Variants in VPS13B observed in about 807,000 individuals in gnomAD.
The protein encoded by VPS13B is intermembrane lipid transfer protein VPS13B.
VPS13B carries 285 observed loss-of-function variants against 426.4 expected under a neutral mutation model. The observed-to-expected ratio is 0.67, with a 90% CI of 0.61 to 0.74. The LOEUF is 0.74. Ranked by LOEUF, VPS13B falls within the 30% of genes least tolerant of loss-of-function variation. The pLI, the probability that VPS13B is intolerant of heterozygous loss-of-function variation, is 0.00. For synonymous variants in VPS13B, 1,676 were observed against 1,676.4 expected, an observed-to-expected ratio of 1.00 and a Z score of 0.01; for missense variants, 4,537 against 4,782.6, an observed-to-expected ratio of 0.95 and a Z score of 1.51.
At chr8:99,029,241 C>T (rs1842367441) in intron 2 of VPS13B, among the ~76,000 whole-genome samples, 1 of 150,322 alleles carries the variant, frequency 6.7e-6, no homozygotes, top group Non-Finnish European at 1.5e-5. Flanking sequence ...AGAGGCGCTC[C>T]TCGCTTCCTA....
intron 30 of VPS13B, among the ~76,000 whole-genome samples, chr8:99,523,801 A>G (rs538235007): frequency 2.0e-5 from 3 of 152,188 alleles, no homozygotes; most frequent in Non-Finnish European, 2.9e-5. Flanking sequence ...CAAAAGCTAC[A>G]GTAAATACTT....
intron 5 of VPS13B, among the ~76,000 whole-genome samples, 190 bp downstream of exon 5, chr8:99,103,310 C>T (rs1375449852): frequency 6.6e-6 from 1 of 151,992 alleles, no homozygotes; most frequent in Non-Finnish European, 1.5e-5. Context: ...ACTCCAAATT[C>T]AGAAATCTAT....
intron 33 of VPS13B, among the ~76,000 whole-genome samples, chr8:99,632,944 T>C (rs1466865022): frequency 2.0e-5 from 3 of 151,980 alleles, no homozygotes; most frequent in Non-Finnish European, 4.4e-5. Context: ...GAATCTAGCA[T>C]TAATTACACC....
chr8:99,117,937 C>CT (rs1347774366), intron 7 of VPS13B, among the ~76,000 whole-genome samples: 1 of 151,994 alleles, frequency 6.6e-6, no homozygotes, highest in Non-Finnish European at 1.5e-5. Context: ...GCTATTTAAA[C>CT]TTTATCTCAT....
At chr8:99,535,950 A>T (rs1175006460) in intron 30 of VPS13B, among the ~76,000 whole-genome samples, 6 of 143,672 alleles carry the variant, frequency 4.2e-5, no homozygotes, top group East Asian at 2.0e-4. Context: ...TTTAATCCAA[A>T]TTTTTTTTTT....
chr8:99,304,268 CAAAT>C (rs956510503), intron 19 of VPS13B, among the ~76,000 whole-genome samples: 6 of 151,962 alleles, frequency 3.9e-5, no homozygotes, highest in African/African-American at 1.4e-4. Context: ...ACTCAAAAAA[CAAAT>C]AAGATAGTCT....
chr8:99,235,324 A>G (rs1816579297), intron 17 of VPS13B, among the ~76,000 whole-genome samples: 1 of 152,190 alleles, frequency 6.6e-6, no homozygotes, highest in East Asian at 1.9e-4. Context: ...ATAGAAATTT[A>G]TATTGAAAAT....
chr8:99,206,884 A>AAGAT (rs989410699), intron 17 of VPS13B, among the ~76,000 whole-genome samples: 16 of 72,734 alleles, frequency 2.2e-4, no homozygotes, highest in African/African-American at 5.6e-4. Flanking sequence ...AATGTGTTCT[A>AAGAT]AGATATATAT....
At chr8:99,518,874 T>A (rs1415523646) in intron 29 of VPS13B, among the ~76,000 whole-genome samples, 1 of 152,226 alleles carries the variant, frequency 6.6e-6, no homozygotes, top group African/African-American at 2.4e-5. Flanking sequence ...TATGCCTTTG[T>A]AGGCAGGTTC....
At chr8:99,219,657 AG>A (rs1815589459) in intron 17 of VPS13B, among the ~76,000 whole-genome samples, 2 of 152,160 alleles carry the variant, frequency 1.3e-5, no homozygotes, top group African/African-American at 2.4e-5. Context: ...CACACTGGTG[AG>A]GGGGGCTAGT....
At chr8:99,820,858 T>C (rs1814318629) in intron 49 of VPS13B, among the ~76,000 whole-genome samples, 1 of 152,050 alleles carries the variant, frequency 6.6e-6, no homozygotes, top group African/African-American at 2.4e-5. Context: ...TTTTTCTTTT[T>C]TCTGTAAAAT....
intron 50 of VPS13B, among the ~76,000 whole-genome samples, chr8:99,822,367 A>C (rs1261418386): frequency 6.6e-6 from 1 of 152,206 alleles, no homozygotes; most frequent in Non-Finnish European, 1.5e-5. Context: ...TTTCTTCAGC[A>C]TTCAAGGCTG....
chr8:99,814,780 G>T (rs1014461306), intron 44 of VPS13B, among the ~76,000 whole-genome samples: 1 of 152,144 alleles, frequency 6.6e-6, no homozygotes, highest in African/African-American at 2.4e-5. Flanking sequence ...AACAATAAGA[G>T]GAAAGGAGAG....
chr8:99,710,793 C>G (rs1832679963), intron 36 of VPS13B, among the ~76,000 whole-genome samples: 1 of 146,486 alleles, frequency 6.8e-6, no homozygotes, highest in Admixed American at 7.0e-5. Context: ...GGTTGGAGAC[C>G]AGCCTGACCA....
intron 24 of VPS13B, among the ~76,000 whole-genome samples, chr8:99,468,903 C>A (rs1296700952): frequency 6.6e-6 from 1 of 152,092 alleles, no homozygotes; most frequent in Non-Finnish European, 1.5e-5. Flanking sequence ...AGCTTGCATT[C>A]CATATTTTAT....
At chr8:99,589,151 C>A (rs1826464697) in intron 33 of VPS13B, among the ~76,000 whole-genome samples, 1 of 151,696 alleles carries the variant, frequency 6.6e-6, no homozygotes, top group African/African-American at 2.4e-5. Flanking sequence ...ATGAAGCAGA[C>A]TTGATCATGG....
At chr8:99,713,184 ACT>A (rs1832773698) in intron 36 of VPS13B, among the ~76,000 whole-genome samples, 1 of 152,024 alleles carries the variant, frequency 6.6e-6, no homozygotes, top group African/African-American at 2.4e-5. Flanking sequence ...GCTTACAAAT[ACT>A]CTTTTTTAAA....
At chr8:99,868,260 G>GAGGGC (rs1817203513) in intron 58 of VPS13B, 29 bp from the exon 59 acceptor site, 1 of 1,613,868 alleles carries the variant, frequency 6.2e-7, no homozygotes, top group Non-Finnish European at 8.5e-7. Context: ...TTAAGCCTCT[G>GAGGGC]TCCTTACTGA....
intron 17 of VPS13B, among the ~76,000 whole-genome samples, chr8:99,210,191 T>C (rs1814996228): frequency 6.6e-6 from 1 of 152,194 alleles, no homozygotes; most frequent in Non-Finnish European, 1.5e-5. Context: ...ATTTTATTTA[T>C]TTACTTCTAC....
Sources: allele counts gnomAD v4.1 joint callset (sites outside exome capture counted in the v4.1 genomes callset), GRCh38; gene constraint gnomAD v4.1.1; transcripts MANE v1.5; gene names NCBI Gene and HGNC (gene_info 2026-07-23, HGNC 2026-07-21).